The following NT5M variants were observed in gnomAD, a reference collection of about 807,000 sequenced individuals.
The protein encoded by NT5M is 5'(3')-deoxyribonucleotidase, mitochondrial.
NT5M carries 22 observed loss-of-function variants against 22.2 expected under a neutral mutation model. That is an observed-to-expected ratio of 0.99 (90% confidence interval 0.71 to 1.41). The LOEUF is 1.41. NT5M is among the 40% of genes most tolerant of loss of function. The pLI is 0.00. For synonymous variants in NT5M, 167 were observed against 133.0 expected, an observed-to-expected ratio of 1.26 and a Z score of -1.76; for missense variants, 322 against 314.8, an observed-to-expected ratio of 1.02 and a Z score of -0.17.
intron 3 of NT5M, among the ~76,000 whole-genome samples, chr17:17,334,872 T>C (rs1567896857): frequency 1.3e-5 from 2 of 152,224 alleles, no homozygotes; most frequent in Admixed American, 6.5e-5. Context: ...TTTATATTTC[T>C]ATAGAATGTT....
At chr17:17,319,008 C>T (rs1002691115) in intron 2 of NT5M, among the ~76,000 whole-genome samples, 15 of 151,348 alleles carry the variant, frequency 9.9e-5, no homozygotes, top group Non-Finnish European at 2.1e-4. Flanking sequence ...GTCAGGAGTT[C>T]GAGACCAGCC....
intron 3 of NT5M, among the ~76,000 whole-genome samples, chr17:17,325,512 C>T (rs1363629754): frequency 6.6e-6 from 1 of 152,154 alleles, no homozygotes; most frequent in Non-Finnish European, 1.5e-5. Flanking sequence ...CACCTGTCTG[C>T]TTCTGTCTCT....
At chr17:17,334,316 T>A (rs1040478798) in intron 3 of NT5M, among the ~76,000 whole-genome samples, 8 of 150,928 alleles carry the variant, frequency 5.3e-5, no homozygotes, top group African/African-American at 1.9e-4. Flanking sequence ...TGGAGAGGTT[T>A]TTTTTTTTTT....
intron 1 of NT5M, chr17:17,304,515 G>C (rs2048750415): frequency 2.4e-6 from 2 of 847,422 alleles, no homozygotes; most frequent in South Asian, 5.4e-5. Flanking sequence ...AGGAACAGGG[G>C]ATTTTGGTAT....
chr17:17,303,732 T>C lies in NT5M; in HGVS notation c.182T>C (p.Phe61Ser). The C allele has an allele frequency of 6.3e-7, 1 of 1,591,242 alleles. No homozygotes were observed. The highest frequency in any genetic ancestry group is 8.5e-7 in the Non-Finnish European group (1 of 1,171,098). ...TTCCTCAGGAAGTTCCGCGCGCGCT[T>C]TCCCGACCAGCCCTTCATCGCGCTG... Reference protein sequence around the residue: ...GGFLRKFRARFPDQPFIALED... With the variant: ...GGFLRKFRARSPDQPFIALED... Residue 61 changes from phenylalanine (F) to serine (S), a missense_variant, in exon 1 of 5, where the codon TTT becomes TCT. Coordinates refer to ENST00000389022, the MANE Select transcript of NT5M (RefSeq NM_020201.4).
At position 17,303,462 on chromosome 17, in the gene NT5M, T is replaced by A; in HGVS notation, c.-89T>A. The A allele has an allele frequency of 9.9e-7, 1 of 1,005,314 alleles. No homozygotes were observed. Among genetic ancestry groups the A allele is most frequent in the Non-Finnish European group, 1.2e-6 (1 of 844,208 alleles). 62.3% of individuals were successfully genotyped at this position (1,005,314 alleles called of 1,614,324 possible). On this transcript the variant is annotated 5_prime_UTR_variant, in exon 1 of 5. Coordinates refer to ENST00000389022, the MANE Select transcript of NT5M (RefSeq NM_020201.4). ...CCACGCGCGCCCCAGCGTTGGGGGCTTCTCCTCCGCGGCGGGAATGTCTGG... is the reference window on the plus strand; with the variant it reads ...CCACGCGCGCCCCAGCGTTGGGGGCATCTCCTCCGCGGCGGGAATGTCTGG...
intron 2 of NT5M, among the ~76,000 whole-genome samples, chr17:17,316,810 G>A (rs2049039055): frequency 1.3e-5 from 2 of 151,652 alleles, no homozygotes; most frequent in Non-Finnish European, 2.9e-5. Context: ...CTGCCTCCCG[G>A]GTTAAGCGAT....
At chr17:17,319,982 A>G (rs975760239) in intron 2 of NT5M, among the ~76,000 whole-genome samples, 4 of 152,126 alleles carry the variant, frequency 2.6e-5, no homozygotes, top group Non-Finnish European at 5.9e-5. Context: ...AGCTGGGACT[A>G]CAGGTGCTCA....
intron 4 of NT5M, 97 bp downstream of exon 4, chr17:17,345,005 T>G: frequency 6.5e-7 from 1 of 1,533,214 alleles, no homozygotes; most frequent in Non-Finnish European, 8.8e-7. Context: ...CCTGCCCCAC[T>G]TAGTCACCAG....
intron 3 of NT5M, among the ~76,000 whole-genome samples, chr17:17,342,644 G>A (rs996245529): frequency 5.3e-5 from 8 of 152,186 alleles, no homozygotes; most frequent in African/African-American, 1.9e-4. Flanking sequence ...AAACACCTGA[G>A]CACCGGCCTG....
intron 3 of NT5M, 87 bp from the exon 4 acceptor site, chr17:17,344,707 G>A (rs2142387697): frequency 8.5e-6 from 13 of 1,523,864 alleles, no homozygotes; most frequent in Middle Eastern, 1.7e-4. Flanking sequence ...CTGAGGTCTA[G>A]GCTGACCCCT....
intron 2 of NT5M, among the ~76,000 whole-genome samples, chr17:17,320,757 A>C (rs2049134283): frequency 6.6e-6 from 1 of 152,144 alleles, no homozygotes; most frequent in African/African-American, 2.4e-5. Context: ...TCAGGAGAGG[A>C]GTAGACGGGG....
intron 3 of NT5M, among the ~76,000 whole-genome samples, chr17:17,344,021 C>T (rs1021048530): frequency 2.6e-5 from 4 of 152,142 alleles, no homozygotes; most frequent in African/African-American, 9.7e-5. Flanking sequence ...AAGTCAATTT[C>T]CCCAGGGAAT....
At chr17:17,320,069 T>C (rs2049118764) in intron 2 of NT5M, among the ~76,000 whole-genome samples, 1 of 152,244 alleles carries the variant, frequency 6.6e-6, no homozygotes, top group South Asian at 2.1e-4. Context: ...CTTGAACTCC[T>C]GACCTCAGGT....
chr17:17,323,210 C>T lies in NT5M; in HGVS notation c.394C>T (p.Pro132Ser). Residue 132 changes from proline to serine, a missense_variant, in exon 3 of 5, where the codon CCC becomes TCC. Transcript: ENST00000389022. ...QNTDVFICTS[P>S]IKMFKYCPYE... ...CACTGACGTCTTCATCTGCACAAGCCCCATCAAGATGTTCAAGTACTGTCC... is the reference window on the plus strand; with the variant it reads ...CACTGACGTCTTCATCTGCACAAGCTCCATCAAGATGTTCAAGTACTGTCC... 3.1e-6 allele frequency: 5 copies of T among 1,614,104 alleles called. No homozygotes were observed. Among genetic ancestry groups the T allele is most frequent in the Non-Finnish European group, 4.2e-6 (5 of 1,179,956 alleles).
chr17:17,329,907 G>A (rs1003538346), intron 3 of NT5M, among the ~76,000 whole-genome samples: 14 of 152,124 alleles, frequency 9.2e-5, no homozygotes, highest in African/African-American at 2.7e-4. Flanking sequence ...GGGAGGTCAA[G>A]GCTGCAGTGA....
chr17:17,324,501 T>A (rs35720826), intron 3 of NT5M, among the ~76,000 whole-genome samples: 85,702 of 147,650 alleles, frequency 0.58, 27,221 homozygotes, highest in East Asian at 0.79. Flanking sequence ...AAACTTAATT[T>A]AAAAAAAAAA....
intron 3 of NT5M, among the ~76,000 whole-genome samples, chr17:17,323,669 T>TG (rs1320101233): frequency 5.9e-5 from 9 of 152,230 alleles, no homozygotes; most frequent in Admixed American, 5.9e-4. Context: ...AACTTGCAGT[T>TG]GCCAAACCCA....
At chr17:17,306,433 A>G in intron 1 of NT5M, 110 bp from the exon 2 acceptor site, 2 of 750,472 alleles carry the variant, frequency 2.7e-6, no homozygotes, top group Non-Finnish European at 2.4e-6. Flanking sequence ...TGTTTGGGGG[A>G]GTGAGAGGAA....
Sources: allele counts gnomAD v4.1 joint callset (sites outside exome capture counted in the v4.1 genomes callset), GRCh38; gene constraint gnomAD v4.1.1; transcripts MANE v1.5; gene names NCBI Gene and HGNC (gene_info 2026-07-23, HGNC 2026-07-21).